The following ZNF600 variants were observed in gnomAD, a reference collection of about 807,000 sequenced individuals.
ZNF600 encodes zinc finger protein 600, also known as zinc finger protein KR-ZNF1.
In ZNF600, 4 loss-of-function variants were observed where a neutral mutation model predicts 7.3. The ratio of observed to expected loss-of-function variants is 0.55; its 90% CI spans 0.27 to 1.25. The LOEUF (loss-of-function observed/expected upper bound fraction) is 1.25. ZNF600 is among the 50% of genes most tolerant of loss of function. The pLI is 0.12. For missense variants in ZNF600, 911 were observed against 922.1 expected (o/e 0.99, Z 0.16); for synonymous variants, 290 against 308.9 (o/e 0.94, Z 0.64).
the ZNF600 span, among the ~76,000 whole-genome samples, chr19:52,815,964 A>G: frequency 6.8e-6 from 1 of 147,486 alleles, no homozygotes; most frequent in South Asian, 2.2e-4. Context: ...AAAAAAATAC[A>G]TAAAAATTTT....
chr19:52,810,232 G>C, the ZNF600 span: 1 of 1,171,846 alleles, frequency 8.5e-7, no homozygotes, highest in Admixed American at 1.7e-5. Context: ...GAGAAGCAGA[G>C]GAATATGAGT....
chr19:52,769,019 T>G (rs1304242865), intron 3 of ZNF600, among the ~76,000 whole-genome samples: 1 of 152,142 alleles, frequency 6.6e-6, no homozygotes, highest in Non-Finnish European at 1.5e-5. Context: ...GAGCCTTCTG[T>G]TATGCCCAGA....
intron 3 of ZNF600, among the ~76,000 whole-genome samples, chr19:52,774,020 G>A (rs1292534464): frequency 3.3e-5 from 5 of 151,924 alleles, no homozygotes; most frequent in Admixed American, 1.3e-4. Context: ...ACCCAGCCTG[G>A]CAGCATTATT....
the ZNF600 span, chr19:52,807,736 AG>A: frequency 1.9e-6 from 1 of 516,204 alleles, no homozygotes; most frequent in East Asian, 4.1e-5. Context: ...TGGCCTCCCA[AG>A]GTGCTGGGAT....
chr19:52,790,202 CCTGGG>C (rs1352224884), upstream of ZNF600, among the ~76,000 whole-genome samples: 2 of 152,312 alleles, frequency 1.3e-5, no homozygotes, highest in East Asian at 1.9e-4. Flanking sequence ...GATGGCCTGG[CCTGGG>C]CTCAGAGGCC....
At chr19:52,801,804 C>T in the ZNF600 span, 2 of 1,126,262 alleles carry the variant, frequency 1.8e-6, no homozygotes, top group Admixed American at 2.5e-5. Context: ...TTTTAAACTT[C>T]CCAAACATGA....
exon 2 of ZNF600, chr19:52,778,905 A>G (rs2062698031): frequency 6.3e-7 from 1 of 1,588,568 alleles, no homozygotes; most frequent in African/African-American, 1.4e-5. Flanking sequence ...TTAGGAATCA[A>G]TCCTGTATGT....
At chr19:52,774,993 A>G (rs888669507) in intron 2 of ZNF600, among the ~76,000 whole-genome samples, 1 of 152,182 alleles carries the variant, frequency 6.6e-6, no homozygotes, top group African/African-American at 2.4e-5. Flanking sequence ...TAATCCTAAC[A>G]CTTCGGGAGG....
At chr19:52,790,147 T>A (rs1159788892), upstream of ZNF600, among the ~76,000 whole-genome samples, 1 of 152,186 alleles carries the variant, frequency 6.6e-6, no homozygotes, top group Non-Finnish European at 1.5e-5. Context: ...ATTCTTTAGT[T>A]ACTTCAGGCC....
the ZNF600 span, among the ~76,000 whole-genome samples, chr19:52,804,742 C>T: frequency 4.3e-4 from 65 of 151,906 alleles, 1 homozygote; most frequent in East Asian, 8.0e-3. Context: ...TGACCTCAAG[C>T]GATCTACCCA....
chr19:52,803,888 T>C, the ZNF600 span, among the ~76,000 whole-genome samples: 5 of 152,152 alleles, frequency 3.3e-5, no homozygotes, highest in African/African-American at 9.6e-5. Context: ...ACCCAGAAGG[T>C]GAAGGTTGCA....
At chr19:52,821,983 G>T in the ZNF600 span, among the ~76,000 whole-genome samples, 1 of 150,824 alleles carries the variant, frequency 6.6e-6, no homozygotes, top group African/African-American at 2.4e-5. Flanking sequence ...ACTCTTTTCC[G>T]TGTGGATATC....
At chr19:52,800,914 T>G in the ZNF600 span, 1 of 1,614,142 alleles carries the variant, frequency 6.2e-7, no homozygotes, top group Non-Finnish European at 8.5e-7. Flanking sequence ...AGGTGTGATT[T>G]GCGACTGAAA....
At chr19:52,821,442 G>C in the ZNF600 span, 1 of 152,246 alleles carries the variant, frequency 6.6e-6, no homozygotes, top group Admixed American at 6.5e-5. Flanking sequence ...GGGGCTTCCG[G>C]ACTCCCAGTA....
intron 2 of ZNF600, among the ~76,000 whole-genome samples, chr19:52,775,309 T>C (rs1323305197): frequency 6.6e-6 from 1 of 151,870 alleles, no homozygotes; most frequent in African/African-American, 2.4e-5. Flanking sequence ...CCCAGCACTT[T>C]GGGAGACCAA....
chr19:52,832,638 C>T, the ZNF600 span, among the ~76,000 whole-genome samples: 14 of 152,092 alleles, frequency 9.2e-5, no homozygotes, highest in African/African-American at 3.4e-4. Flanking sequence ...TGTGGTGACA[C>T]ATGCCTATCA....
At chr19:52,801,092 T>G in the ZNF600 span, 76 of 1,614,068 alleles carry the variant, frequency 4.7e-5, no homozygotes, top group South Asian at 9.9e-5. Context: ...TCTGATTAAA[T>G]ACCTTGCCAT....
At chr19:52,820,669 C>G in the ZNF600 span, among the ~76,000 whole-genome samples, 1 of 152,148 alleles carries the variant, frequency 6.6e-6, no homozygotes, top group Non-Finnish European at 1.5e-5. Context: ...CTCCCTCACT[C>G]TGATGAGCCT....
chr19:52,801,699 A>T, the ZNF600 span: 2 of 1,610,426 alleles, frequency 1.2e-6, no homozygotes, highest in Admixed American at 3.4e-5. Context: ...TTTGGAAGAG[A>T]TATCTACAAA....
Sources: gnomAD v4.1 joint callset for allele counts (sites outside exome capture counted in the v4.1 genomes callset) on GRCh38, gnomAD v4.1.1 for gene constraint, MANE v1.5 for transcripts, NCBI Gene and HGNC (gene_info 2026-07-23, HGNC 2026-07-21) for gene names.